CRISPLD2: variants seen among roughly 807,000 people sequenced by gnomAD.
CRISPLD2 encodes the protein cysteine rich secretory protein LCCL domain containing 2, also known as cysteine-rich secretory protein LCCL domain-containing 2.
Under a neutral mutation model 71.1 loss-of-function variants are expected in CRISPLD2, and 47 were observed. The ratio of observed to expected loss-of-function variants is 0.66; its 90% CI spans 0.52 to 0.84. The LOEUF is 0.84. Ranked by LOEUF, CRISPLD2 falls within the 40% of genes least tolerant of loss-of-function variation. CRISPLD2 has a pLI of 0.00. For missense variants in CRISPLD2, 830 were observed against 651.1 expected, an observed-to-expected ratio of 1.27 and a Z score of -2.99; for synonymous variants, 317 against 250.1, an observed-to-expected ratio of 1.27 and a Z score of -2.52.
chr16:84,864,056 A>G (rs1321384235), intron 6 of CRISPLD2, among the ~76,000 whole-genome samples: 1 of 152,148 alleles, frequency 6.6e-6, no homozygotes, highest in East Asian at 1.9e-4. Context: ...GCATCTGGCC[A>G]GTGCTCAGTG....
At chr16:84,887,140 C>G (rs755257665) in intron 13 of CRISPLD2, among the ~76,000 whole-genome samples, 1 of 152,168 alleles carries the variant, frequency 6.6e-6, no homozygotes, top group Non-Finnish European at 1.5e-5. Flanking sequence ...ATCTTCTCCC[C>G]GATGACCCCT....
rs761897209 is a variant in CRISPLD2, at chr16:84,838,501, C to G, written c.6C>G (p.Ser2Arg). The change falls in exon 2 of 15, where the codon AGC becomes AGG. Residue 2 changes from serine (S) to arginine (R), a missense_variant. Coordinates refer to ENST00000262424, the MANE Select transcript of CRISPLD2 (RefSeq NM_031476.4). ...GTTGCTGCAGGAGTGGAGCCATGAGCTGCGTCCTGGGTGGTGTCATCCCCT... is the reference window on the plus strand; with the variant it reads ...GTTGCTGCAGGAGTGGAGCCATGAGGTGCGTCCTGGGTGGTGTCATCCCCT... MSCVLGGVIPLG... is the reference protein window; with the variant it reads MRCVLGGVIPLG... 1 of 1,613,344 alleles carries G rather than the reference C, an allele frequency of 6.2e-7. No individual in the cohort carries two copies. Among genetic ancestry groups the G allele is most frequent in the Non-Finnish European group, 8.5e-7 (1 of 1,179,438 alleles).
At chr16:84,873,506 C>CCAAAAAA (rs2071491015) in intron 10 of CRISPLD2, 1 of 112,192 alleles carries the variant, frequency 8.9e-6, no homozygotes, top group Non-Finnish European at 1.7e-5. Flanking sequence ...ACAACAACAA[C>CCAAAAAA]AAAAAAAAAA....
chr16:84,859,127 C>T lies in CRISPLD2; in HGVS notation c.709+4298C>T, dbSNP rs111850651. On this transcript the variant is annotated intron_variant, in intron 6 of 14. Coordinates refer to ENST00000262424, the MANE Select transcript of CRISPLD2 (RefSeq NM_031476.4). ...GCAGCTCTAATGGCTTCTGTTTGGC[C>T]TTTCCCACCATAATAGCCCTCCCTT... is the stretch of plus-strand genomic sequence containing the variant. 2.0e-3 allele frequency among the ~76,000 whole-genome samples: 311 copies of T among 152,252 alleles called. 4 individuals carry two copies. The highest frequency in any genetic ancestry group is 7.1e-3 in the African/African-American group (295 of 41,520).
intron 8 of CRISPLD2, among the ~76,000 whole-genome samples, chr16:84,869,873 G>T (rs1248699113): frequency 6.6e-6 from 1 of 152,242 alleles, no homozygotes; most frequent in African/African-American, 2.4e-5. Flanking sequence ...AGTGGAAAAA[G>T]GTGAGCACGT....
At chr16:84,868,505 C>T (rs1191911812) in intron 7 of CRISPLD2, among the ~76,000 whole-genome samples, 1 of 152,186 alleles carries the variant, frequency 6.6e-6, no homozygotes, top group Admixed American at 6.5e-5. Context: ...GGACCACAGG[C>T]ACATCGTGTG....
Position 84,849,447 on chromosome 16 carries a change from C to A in CRISPLD2, c.422C>A (p.Pro141His), listed in dbSNP as rs145249439. The A allele has an allele frequency of 6.2e-7, 1 of 1,614,170 alleles. No individual in the cohort carries two copies. Among genetic ancestry groups the A allele is most frequent in the East Asian group, 2.2e-5 (1 of 44,888 alleles). The change falls in exon 4 of 15, where the codon CCC becomes CAC. Residue 141 changes from proline to histidine, a missense_variant. By Grantham distance (77) the Pro-to-His change is moderately conservative. Coordinates refer to ENST00000262424, the MANE Select transcript of CRISPLD2 (RefSeq NM_031476.4). ...WYDEVKDYTY[P>H]YPSECNPWCP... ...GACGAGGTGAAGGACTACACCTACCCCTACCCGAGCGAGTGCAACCCCTGG... is the reference window on the plus strand; with the variant it reads ...GACGAGGTGAAGGACTACACCTACCACTACCCGAGCGAGTGCAACCCCTGG...
chr16:84,875,720 C>G (rs894301159), intron 11 of CRISPLD2, among the ~76,000 whole-genome samples: 1 of 125,622 alleles, frequency 8.0e-6, no homozygotes, highest in Non-Finnish European at 1.6e-5. Context: ...CCATGTCCAG[C>G]TAATTTTTTT....
rs769457621 is a variant in CRISPLD2, at chr16:84,845,848, C to T, written c.303C>T (p.His101=). ...GGGCCAGTCAGTGCATCTGGGAGCA[C>T]GGGCCCACCAGTCTGCTGGTGTCCA... is the stretch of plus-strand genomic sequence containing the variant. ...AAWASQCIWE[H]GPTSLLVSIG... The change falls in exon 3 of 15, where the codon CAC becomes CAT. Residue 101 remains histidine, a synonymous_variant. Coordinates refer to ENST00000262424, the MANE Select transcript of CRISPLD2 (RefSeq NM_031476.4). 9.3e-6 allele frequency: 15 copies of T among 1,613,920 alleles called. No individual in the cohort carries two copies. The highest frequency in any genetic ancestry group is 3.3e-5 in the South Asian group (3 of 91,086).
intron 8 of CRISPLD2, among the ~76,000 whole-genome samples, chr16:84,871,815 G>A (rs913635083): frequency 1.4e-5 from 2 of 140,386 alleles, no homozygotes; most frequent in Non-Finnish European, 3.0e-5. Flanking sequence ...GCCTCCCAAA[G>A]TGCTGGGATT....
In CRISPLD2 at chr16:84,849,453, C is replaced by T. The variant is rs750229143; in HGVS notation, c.428C>T (p.Pro143Leu). ...GTGAAGGACTACACCTACCCCTACCCGAGCGAGTGCAACCCCTGGTGTCCA... is the reference window on the plus strand; with the variant it reads ...GTGAAGGACTACACCTACCCCTACCTGAGCGAGTGCAACCCCTGGTGTCCA... ...DEVKDYTYPY[P>L]SECNPWCPER... Residue 143 changes from proline (P) to leucine (L), a missense_variant, in exon 4 of 15, where the codon CCG becomes CTG. Pro to Leu is a moderately conservative substitution (Grantham distance 98, BLOSUM62 -3). Transcript: ENST00000262424. 4.3e-5 allele frequency: 69 copies of T among 1,614,008 alleles called. No individual in the cohort carries two copies. Among genetic ancestry groups the T allele is most frequent in the Non-Finnish European group, 5.8e-5 (68 of 1,179,986 alleles).
At chr16:84,835,340 C>T (rs557256251) in intron 1 of CRISPLD2, among the ~76,000 whole-genome samples, 3 of 152,300 alleles carry the variant, frequency 2.0e-5, no homozygotes, top group South Asian at 2.1e-4. Context: ...CTGCCTCGGC[C>T]TCCCAAAGTG....
At chr16:84,889,032 C>T (rs2071637623) in intron 13 of CRISPLD2, among the ~76,000 whole-genome samples, 198 bp from the exon 14 acceptor site, 1 of 152,200 alleles carries the variant, frequency 6.6e-6, no homozygotes, top group African/African-American at 2.4e-5. Context: ...ACTTGTTGAA[C>T]AAATGAATGA....
At chr16:84,869,674 A>C (rs968687748) in intron 8 of CRISPLD2, among the ~76,000 whole-genome samples, 1 of 152,192 alleles carries the variant, frequency 6.6e-6, no homozygotes, top group Non-Finnish European at 1.5e-5. Context: ...CCTCGCGCTC[A>C]GTGTTAGGGT....
chr16:84,836,528 CCT>C, intron 1 of CRISPLD2: 1 of 152,346 alleles, frequency 6.6e-6, no homozygotes, highest in South Asian at 2.1e-4. Context: ...CCAAGCCTCT[CCT>C]CTCCGCATGG....
intron 14 of CRISPLD2, among the ~76,000 whole-genome samples, chr16:84,902,122 C>A (rs2071760571): frequency 6.6e-6 from 1 of 152,052 alleles, no homozygotes; most frequent in African/African-American, 2.4e-5. Flanking sequence ...GTGAACAACG[C>A]TTTGGGGTCT....
At chr16:84,869,675 G>C (rs1197127727) in intron 8 of CRISPLD2, among the ~76,000 whole-genome samples, 1 of 152,230 alleles carries the variant, frequency 6.6e-6, no homozygotes, top group Non-Finnish European at 1.5e-5. Context: ...CTCGCGCTCA[G>C]TGTTAGGGTA....
At chr16:84,876,223 C>T (rs1462041952) in intron 11 of CRISPLD2, among the ~76,000 whole-genome samples, 3 of 152,164 alleles carry the variant, frequency 2.0e-5, no homozygotes, top group East Asian at 1.9e-4. Flanking sequence ...TTTACCTGGC[C>T]GGGCGCGGTG....
chr16:84,834,840 C>G (rs1361958595), intron 1 of CRISPLD2, among the ~76,000 whole-genome samples: 1 of 152,140 alleles, frequency 6.6e-6, no homozygotes, highest in African/African-American at 2.4e-5. Context: ...CGGTCCTAAA[C>G]TCTTCTAGTA....
Sources: gnomAD v4.1 joint callset for allele counts (sites outside exome capture counted in the v4.1 genomes callset) on GRCh38, gnomAD v4.1.1 for gene constraint, MANE v1.5 for transcripts, NCBI Gene and HGNC (gene_info 2026-07-23, HGNC 2026-07-21) for gene names.